Variants in SMARCA2 observed in about 807,000 individuals in gnomAD.
The protein encoded by SMARCA2 is SWI/SNF related BAF chromatin remodeling complex subunit ATPase 2, also known as SWI/SNF-related matrix-associated actin-dependent regulator of chromatin subfamily A member 2.
In SMARCA2, 61 loss-of-function variants were observed where a neutral mutation model predicts 199.8. The ratio of observed to expected loss-of-function variants is 0.31; its 90% confidence interval spans 0.25 to 0.38. SMARCA2 has a LOEUF of 0.38. Among genes scored for constraint, SMARCA2 ranks in the 10% least tolerant of loss-of-function variants. SMARCA2 has a pLI of 1.00. For missense variants in SMARCA2, 1,344 were observed against 2,012.2 expected (o/e 0.67, Z 6.35); for synonymous variants, 935 against 732.0 (o/e 1.28, Z -4.48).
chr9:2,090,789 T>C (rs911110566), intron 19 of SMARCA2, among the ~76,000 whole-genome samples: 12 of 152,164 alleles, frequency 7.9e-5, no homozygotes. Flanking sequence ...GCACTTTGTG[T>C]GTGTATGTGG....
chr9:2,067,884 T>C (rs1023589512), intron 9 of SMARCA2, among the ~76,000 whole-genome samples: 10 of 152,238 alleles, frequency 6.6e-5, no homozygotes, highest in African/African-American at 2.2e-4. Context: ...AGGACATTCA[T>C]AGGAAAGTAT....
intron 3 of SMARCA2, among the ~76,000 whole-genome samples, chr9:2,037,299 A>C (rs1243079107): frequency 1.3e-5 from 2 of 152,258 alleles, no homozygotes; most frequent in African/African-American, 4.8e-5. Context: ...CAAGCTTTCA[A>C]GGGAATTTTC....
Position 2,084,079 on chromosome 9 carries a change from C to T in SMARCA2, c.2416-7C>T, listed in dbSNP as rs1204402710. The T allele has an allele frequency of 2.6e-6, 4 of 1,557,718 alleles. No individual in the cohort carries two copies. Among genetic ancestry groups the T allele is most frequent in the Admixed American group, 1.7e-5 (1 of 58,204 alleles). ...GATCATGCATGTATTTTTTTCTTTC[C>T]ATTCAGGGTACTCCTGCCATGCGTC... On this transcript the variant is annotated splice_region_variant and splice_polypyrimidine_tract_variant and intron_variant, in intron 16 of 33. Coordinates refer to ENST00000349721, the MANE Select transcript of SMARCA2 (RefSeq NM_003070.5).
At chr9:2,160,014 G>A (rs1825581358) in intron 27 of SMARCA2, 1 of 1,459,390 alleles carries the variant, frequency 6.9e-7, no homozygotes, top group South Asian at 1.2e-5. Context: ...GTATTTCTGT[G>A]TGCAACTGGG....
At chr9:2,166,249 A>G (rs1343407861) in intron 28 of SMARCA2, among the ~76,000 whole-genome samples, 1 of 152,168 alleles carries the variant, frequency 6.6e-6, no homozygotes, top group Non-Finnish European at 1.5e-5. Context: ...CATTTAAAAC[A>G]TGGCGCCCAG....
At chr9:2,113,154 T>C (rs1823076494) in intron 24 of SMARCA2, among the ~76,000 whole-genome samples, 1 of 152,172 alleles carries the variant, frequency 6.6e-6, no homozygotes, top group African/African-American at 2.4e-5. Context: ...TTAAGGCACA[T>C]TGGTGAAAAT....
At chr9:2,140,784 T>C (rs968157053) in intron 27 of SMARCA2, among the ~76,000 whole-genome samples, 2 of 152,212 alleles carry the variant, frequency 1.3e-5, no homozygotes, top group Admixed American at 1.3e-4. Context: ...CTCAGCTCTT[T>C]TGTAGTAGCT....
chr9:2,046,103 T>A (rs1484878643), intron 4 of SMARCA2: 1 of 152,204 alleles, frequency 6.6e-6, no homozygotes, highest in East Asian at 1.9e-4. Flanking sequence ...TAGCTATTTT[T>A]TCTTAGAAAG....
intron 27 of SMARCA2, among the ~76,000 whole-genome samples, chr9:2,147,241 CA>C (rs5895958): frequency 0.67 from 71,005 of 106,384 alleles, 22,337 homozygotes; most frequent in Middle Eastern, 0.84. Context: ...ACTGAGTGAC[CA>C]AAAAAAAAAA....
intron 3 of SMARCA2, among the ~76,000 whole-genome samples, chr9:2,034,397 C>T (rs976101340): frequency 8.5e-5 from 13 of 152,258 alleles, no homozygotes; most frequent in African/African-American, 2.9e-4. Context: ...CTTCTTCATA[C>T]GTAACAAGTC....
rs560434628 is a variant in SMARCA2, at chr9:2,164,946, T to A, written c.4199+3043T>A. 4.5e-4 allele frequency among the ~76,000 whole-genome samples: 68 copies of A among 152,338 alleles called. 1 individual carries two copies. In the South Asian group the frequency reaches 0.013, roughly 30 times the overall value. On this transcript the variant is annotated intron_variant, in intron 28 of 33. Transcript: ENST00000349721. The stretch of plus-strand genomic sequence containing the variant: ...GTAATCCTCTAGAAAAAGCACTAAC[T>A]ATTTATATTTTGTATTTCTCTTTAA...
chr9:2,119,626 G>C lies in SMARCA2; in HGVS notation c.3762+91G>C. Reference sequence around the variant, plus strand: ...ATGTCTGCAGCCTGCGTGCCTGGCAGAACTTCATACGTAAAGCCTATGCCT... The same window carrying C: ...ATGTCTGCAGCCTGCGTGCCTGGCACAACTTCATACGTAAAGCCTATGCCT... On this transcript the variant is annotated intron_variant, in intron 26 of 33. Transcript: ENST00000349721. The surrounding 1 kb of genome is among the most constrained non-coding windows in gnomAD (Gnocchi z 4.6). 1.2e-6 allele frequency: 1 copy of C among 839,280 alleles called. No individual in the cohort carries two copies. Among genetic ancestry groups the C allele is most frequent in the South Asian group, 1.4e-5 (1 of 69,356 alleles). 52.0% of individuals were successfully genotyped at this position (839,280 alleles called of 1,614,324 possible). A position where few individuals can be genotyped will look rare whatever the true frequency, so the allele number is the denominator to read the frequency against.
chr9:2,055,273 C>G (rs1451091000), intron 6 of SMARCA2, among the ~76,000 whole-genome samples: 2 of 152,218 alleles, frequency 1.3e-5, no homozygotes, highest in African/African-American at 2.4e-5. Flanking sequence ...ATTGACTAAT[C>G]AGTAAATTAT....
chr9:2,034,445 C>T (rs1819228354), intron 3 of SMARCA2, among the ~76,000 whole-genome samples: 1 of 152,118 alleles, frequency 6.6e-6, no homozygotes, highest in African/African-American at 2.4e-5. Flanking sequence ...TATTCACGTA[C>T]CTCAAAGCCT....
intron 4 of SMARCA2, chr9:2,040,121 C>A: frequency 1.1e-6 from 1 of 948,936 alleles, no homozygotes; most frequent in Non-Finnish European, 1.5e-6. Context: ...GGTGGTTGTG[C>A]AAGCTGGAGA....
intron 27 of SMARCA2, among the ~76,000 whole-genome samples, chr9:2,131,598 C>T (rs1358005349): frequency 6.6e-6 from 1 of 152,138 alleles, no homozygotes; most frequent in Non-Finnish European, 1.5e-5. Context: ...CCATGGTGAA[C>T]GTGCCTAAAT....
intron 10 of SMARCA2, 188 bp from the exon 11 acceptor site, chr9:2,073,024 C>T: frequency 1.7e-6 from 1 of 597,982 alleles, no homozygotes; most frequent in South Asian, 2.2e-5. Flanking sequence ...ACCAGGGAGG[C>T]AGCATTTTCA....
At chr9:2,167,552 G>A (rs531455821) in intron 28 of SMARCA2, among the ~76,000 whole-genome samples, 36 of 152,288 alleles carry the variant, frequency 2.4e-4, no homozygotes, top group African/African-American at 8.4e-4. Flanking sequence ...ACACAGCTCC[G>A]GGGCACAGAG....
intron 9 of SMARCA2, among the ~76,000 whole-genome samples, chr9:2,062,107 A>C (rs1820620205): frequency 6.6e-6 from 1 of 152,104 alleles, no homozygotes; most frequent in South Asian, 2.1e-4. Context: ...GTAAGGGGGG[A>C]GGGAAGAATG....
Sources: gnomAD v4.1 joint callset for allele counts (sites outside exome capture counted in the v4.1 genomes callset) on GRCh38, gnomAD v4.1.1 for gene constraint, Gnocchi (gnomAD v3.1) non-coding constraint, MANE v1.5 for transcripts, NCBI Gene and HGNC (gene_info 2026-07-23, HGNC 2026-07-21) for gene names.